The following DMRTA1 variants were observed in gnomAD, a reference collection of about 807,000 sequenced individuals.
DMRTA1 encodes DMRT like family A1.
In DMRTA1, 34 loss-of-function variants were observed where a neutral mutation model predicts 35.2. The ratio of observed to expected loss-of-function variants is 0.97; its 90% CI spans 0.74 to 1.29. The LOEUF (loss-of-function observed/expected upper bound fraction) is 1.29, where lower values mean the gene tolerates loss of function less well. Among genes scored for constraint, DMRTA1 ranks in the 50% most tolerant of loss-of-function variants. DMRTA1 has a pLI of 0.00. For synonymous variants in DMRTA1, 344 were observed against 276.6 expected, an observed-to-expected ratio of 1.24 and a Z score of -2.42; for missense variants, 824 against 644.6, an observed-to-expected ratio of 1.28 and a Z score of -3.01.
intron 1 of DMRTA1, among the ~76,000 whole-genome samples, chr9:22,449,508 CAA>C (rs1441379096): frequency 2.0e-5 from 3 of 151,956 alleles, no homozygotes; most frequent in African/African-American, 4.8e-5. Flanking sequence ...TAAAATATAA[CAA>C]GACATTATTT....
chr9:22,450,224 G>A (rs1346034637), intron 1 of DMRTA1, among the ~76,000 whole-genome samples: 1 of 152,106 alleles, frequency 6.6e-6, no homozygotes, highest in Non-Finnish European at 1.5e-5. Context: ...GTGATTTAAA[G>A]CAAATGCCTA....
Position 22,451,373 on chromosome 9 carries a change from C to G in DMRTA1, c.977C>G (p.Pro326Arg). 1 of 1,614,048 alleles carries G rather than the reference C, an allele frequency of 6.2e-7. No homozygotes were observed. The highest frequency in any genetic ancestry group is 1.1e-5 in the South Asian group (1 of 91,056). Residue 326 changes from proline (P) to arginine (R), a missense_variant, in exon 2 of 2, where the codon CCA (proline) becomes CGA (arginine). Transcript: ENST00000325870. The stretch of plus-strand genomic sequence containing the variant: ...AGCCTTCCGACAGTGTCCTCAAGAC[C>G]AAGAGATCCTCTTGATATCCTTACT... The part of the protein sequence containing the change: ...KASLPTVSSR[P>R]RDPLDILTKI...
rs1218405555 is a variant in DMRTA1, at chr9:22,446,848, A to G, written c.-218A>G. ...TAACTTAGCGCCCGGGGTCTCTGCC[A>G]GGCTCACGGGACAGCTGCACCTCTC... On this transcript the variant is annotated 5_prime_UTR_variant, in exon 1 of 2. Coordinates refer to ENST00000325870, the MANE Select transcript of DMRTA1 (RefSeq NM_022160.3). The G allele has an allele frequency of 7.0e-6, 4 of 571,538 alleles. No individual in the cohort carries two copies. Among genetic ancestry groups the G allele is most frequent in the African/African-American group, 6.0e-5 (3 of 50,014 alleles). The allele number at this position is 571,538 out of a possible 1,614,324, so 35.4% of individuals were successfully genotyped here.
Position 22,447,659 on chromosome 9 carries a change from C to T in DMRTA1, c.594C>T (p.Ala198=), listed in dbSNP as rs758514042. 1.9e-6 allele frequency: 3 copies of T among 1,612,094 alleles called. No individual in the cohort carries two copies. In the African/African-American group the frequency reaches 4.0e-5, roughly 22 times the overall value. ...CGGGGGCTGCGCTGGGACTGGGTGC[C>T]TTGAGACAGGCCAGTGGTTCCGCGA... is the stretch of plus-strand genomic sequence containing the variant. The part of the protein sequence containing the change: ...PAAGAALGLG[A]LRQASGSATP... The change falls in exon 1 of 2, where the codon GCC becomes GCT. Residue 198 remains alanine (A), a synonymous_variant. Coordinates refer to ENST00000325870, the MANE Select transcript of DMRTA1 (RefSeq NM_022160.3).
Position 22,452,615 on chromosome 9 carries a change from C to A in DMRTA1, c.*704C>A, listed in dbSNP as rs906312902. The A allele has an allele frequency of 6.6e-6, 1 of 152,126 alleles. No individual in the cohort carries two copies. Among genetic ancestry groups the A allele is most frequent in the Admixed American group, 6.6e-5 (1 of 15,264 alleles). The allele number at this position is 152,126 out of a possible 1,614,324, so 9.4% of individuals were successfully genotyped here. A position where few individuals can be genotyped will look rare whatever the true frequency, so the allele number is the denominator to read the frequency against. ...GAAATAAGACTGCGCCATCTCCTGG[C>A]CACTATCGCCAATTGCAACTGAGCT... On this transcript the variant is annotated 3_prime_UTR_variant, in exon 2 of 2. Transcript: ENST00000325870.
At position 22,447,620 on chromosome 9, in the gene DMRTA1, G is replaced by C; in HGVS notation, c.555G>C (p.Thr185=). ...GCAGAGCCGAGAATCCACAGTCCACGGGCGGCCCTGCGGCGGGGGCTGCGC... is the reference window on the plus strand; with the variant it reads ...GCAGAGCCGAGAATCCACAGTCCACCGGCGGCCCTGCGGCGGGGGCTGCGC... The part of the protein sequence containing the change: ...GGGRAENPQS[T]GGPAAGAALG... The change falls in exon 1 of 2, where the codon ACG becomes ACC. Residue 185 remains threonine (T), a synonymous_variant. Coordinates refer to ENST00000325870, the MANE Select transcript of DMRTA1 (RefSeq NM_022160.3). 2 of 1,610,882 alleles carry C rather than the reference G, an allele frequency of 1.2e-6. No homozygotes were observed. Among genetic ancestry groups the C allele is most frequent in the Non-Finnish European group, 1.7e-6 (2 of 1,179,488 alleles).
At position 22,452,527 on chromosome 9, in the gene DMRTA1, A is replaced by G. The variant is rs1189250804; in HGVS notation, c.*616A>G. 6.6e-6 allele frequency: 1 copy of G among 152,214 alleles called. No individual in the cohort carries two copies. The highest frequency in any genetic ancestry group is 1.5e-5 in the Non-Finnish European group (1 of 68,048). The allele number at this position is 152,214 out of a possible 1,614,324, so 9.4% of individuals were successfully genotyped here. A position where few individuals can be genotyped will look rare whatever the true frequency, so the allele number is the denominator to read the frequency against. ...TCAATCTTAGCTTCCATGAGTGAAAACAAGTGCCATTAAAAAACATTTCTC... is the reference window on the plus strand; with the variant it reads ...TCAATCTTAGCTTCCATGAGTGAAAGCAAGTGCCATTAAAAAACATTTCTC... On this transcript the variant is annotated 3_prime_UTR_variant, in exon 2 of 2. Transcript: ENST00000325870.
Position 22,452,040 on chromosome 9 carries a change from G to A in DMRTA1, c.*129G>A. On this transcript the variant is annotated 3_prime_UTR_variant, in exon 2 of 2. Transcript: ENST00000325870. ...GTGGATTATGAGGTCTTAAAATGCT[G>A]GGTTTTTTTTTTTTCAAGCAATATA... The A allele has an allele frequency of 1.0e-6, 1 of 1,000,336 alleles. No homozygotes were observed. Among genetic ancestry groups the A allele is most frequent in the Non-Finnish European group, 1.3e-6 (1 of 756,548 alleles). The allele number at this position is 1,000,336 out of a possible 1,614,324, so 62.0% of individuals were successfully genotyped here. A position where few individuals can be genotyped will look rare whatever the true frequency, so the allele number is the denominator to read the frequency against.
rs1563825065 is a variant in DMRTA1 at position 22,447,246 on chromosome 9, G to A, written c.181G>A (p.Ala61Thr). The change falls in exon 1 of 2, where the codon GCC becomes ACC. Residue 61 changes from alanine (A) to threonine (T), a missense_variant. Physicochemically the swap from Ala to Thr is moderately conservative, Grantham distance 58. Coordinates refer to ENST00000325870, the MANE Select transcript of DMRTA1 (RefSeq NM_022160.3). Reference sequence around the variant, plus strand: ...CCTCTTTCTGCGAGCAGCGGCCGCGGCCGCCGCCGCCGCTGCCGCCACCTC... The same window carrying A: ...CCTCTTTCTGCGAGCAGCGGCCGCGACCGCCGCCGCCGCTGCCGCCACCTC... ...PSLFLRAAAA[A>T]AAAAAATSGS... 6.7e-7 allele frequency: 1 copy of A among 1,495,240 alleles called. No individual in the cohort carries two copies. The highest frequency in any genetic ancestry group is 1.3e-5 in the South Asian group (1 of 77,712). 92.6% of individuals were successfully genotyped at this position (1,495,240 alleles called of 1,614,324 possible). A position where few individuals can be genotyped will look rare whatever the true frequency, so the allele number is the denominator to read the frequency against.
Position 22,451,434 on chromosome 9 carries a change from A to G in DMRTA1, c.1038A>G (p.Glu346=). 1 of 1,614,190 alleles carries G rather than the reference A, an allele frequency of 6.2e-7. No individual in the cohort carries two copies. Among genetic ancestry groups the G allele is most frequent in the Middle Eastern group, 1.6e-4 (1 of 6,062 alleles). ...IFPNYRRSRL[E]GILRFCKGDV... ...CAAATTACAGGCGCAGCCGGCTAGA[A>G]GGCATTCTACGGTTCTGCAAAGGGG... Residue 346 remains glutamate, a synonymous_variant, in exon 2 of 2, where the codon GAA becomes GAG. Transcript: ENST00000325870.
Position 22,453,574 on chromosome 9 carries a change from C to T in DMRTA1, c.*1663C>T, listed in dbSNP as rs1168530212. 1.3e-5 allele frequency: 2 copies of T among 151,922 alleles called. No individual in the cohort carries two copies. Among genetic ancestry groups the T allele is most frequent in the Admixed American group, 1.3e-4 (2 of 15,244 alleles). 9.4% of individuals were successfully genotyped at this position (151,922 alleles called of 1,614,324 possible). On this transcript the variant is annotated 3_prime_UTR_variant, in exon 2 of 2. Transcript: ENST00000325870. ...TTATAAAAAAGTTTTATATTCTAAG[C>T]CTAAACCGTAGTACAATGTCTAGCA...
chr9:22,455,611 A>C lies in DMRTA1; in HGVS notation c.*3700A>C, dbSNP rs1004681328. The C allele has an allele frequency of 1.3e-5, 2 of 152,190 alleles. No homozygotes were observed. The highest frequency in any genetic ancestry group is 2.9e-5 in the Non-Finnish European group (2 of 68,022). 9.4% of individuals were successfully genotyped at this position (152,190 alleles called of 1,614,324 possible). A position where few individuals can be genotyped will look rare whatever the true frequency, so the allele number is the denominator to read the frequency against. ...GGCAGCCATCACTAGAGCAGCGTAC[A>C]GGCTTAGTTCCAGACTTCGTGTTTG... On this transcript the variant is annotated 3_prime_UTR_variant, in exon 2 of 2. Coordinates refer to ENST00000325870, the MANE Select transcript of DMRTA1 (RefSeq NM_022160.3).
chr9:22,451,952 A>G lies in DMRTA1; in HGVS notation c.*41A>G, dbSNP rs770393554. On this transcript the variant is annotated 3_prime_UTR_variant, in exon 2 of 2. Coordinates refer to ENST00000325870, the MANE Select transcript of DMRTA1 (RefSeq NM_022160.3). ...TCTCTTTCTGGAGTTTTTCCAGCAT[A>G]CAATACATGCACGTGCACACACATA... is the stretch of plus-strand genomic sequence containing the variant. 2.5e-6 allele frequency: 4 copies of G among 1,605,550 alleles called. No individual in the cohort carries two copies. The highest frequency in any genetic ancestry group is 3.3e-5 in the Admixed American group (2 of 59,752).
Position 22,447,413 on chromosome 9 carries a change from C to A in DMRTA1, c.348C>A (p.Cys116Ter). The A allele has an allele frequency of 6.4e-7, 1 of 1,553,674 alleles. No individual in the cohort carries two copies. Among genetic ancestry groups the A allele is most frequent in the Admixed American group, 1.9e-5 (1 of 52,782 alleles). The change falls in exon 1 of 2, where the codon TGC (cysteine) becomes TGA (stop). Residue 116 changes from cysteine (C) to a stop codon, truncating the protein, a stop_gained. Transcript: ENST00000325870. LOFTEE classifies it high-confidence loss of function. ...VSALKGHKRFCRWRDCACAKC... is the reference protein window; with the variant it reads ...VSALKGHKRF ...CGCTCAAGGGCCACAAGCGCTTCTGCCGCTGGCGGGACTGCGCGTGTGCCA... is the reference window on the plus strand; with the variant it reads ...CGCTCAAGGGCCACAAGCGCTTCTGACGCTGGCGGGACTGCGCGTGTGCCA...
chr9:22,448,959 A>G (rs1439463792), intron 1 of DMRTA1, among the ~76,000 whole-genome samples: 1 of 152,224 alleles, frequency 6.6e-6, no homozygotes, highest in African/African-American at 2.4e-5. Flanking sequence ...TATGAAAGAG[A>G]AGTAAAAGTG....
rs1484422838 is a variant in DMRTA1, at chr9:22,453,083, T to G, written c.*1172T>G. The G allele has an allele frequency of 2.0e-5, 3 of 152,108 alleles. No individual in the cohort carries two copies. The highest frequency in any genetic ancestry group is 7.2e-5 in the African/African-American group (3 of 41,440). The allele number at this position is 152,108 out of a possible 1,614,324, so 9.4% of individuals were successfully genotyped here. On this transcript the variant is annotated 3_prime_UTR_variant, in exon 2 of 2. Coordinates refer to ENST00000325870, the MANE Select transcript of DMRTA1 (RefSeq NM_022160.3). Reference sequence around the variant, plus strand: ...AGTGGAAAGTCCCTGAGGAAACTGCTTACAAAACAGTTTCTAGGACATTTT... The same window carrying G: ...AGTGGAAAGTCCCTGAGGAAACTGCGTACAAAACAGTTTCTAGGACATTTT...
In DMRTA1 at chr9:22,451,161, T is replaced by C; in HGVS notation, c.765T>C (p.Asn255=). The C allele has an allele frequency of 6.2e-7, 1 of 1,614,132 alleles. No individual in the cohort carries two copies. The highest frequency in any genetic ancestry group is 1.1e-5 in the South Asian group (1 of 91,084). Reference sequence around the variant, plus strand: ...ACCTAGGATCATCTTCTAGGTCTAATGGTGTCATTGGGAAACAAAGTATCG... The same window carrying C: ...ACCTAGGATCATCTTCTAGGTCTAACGGTGTCATTGGGAAACAAAGTATCG... ...QLYLGSSSRS[N]GVIGKQSIGS... The change falls in exon 2 of 2, where the codon AAT becomes AAC. Residue 255 remains asparagine, a synonymous_variant. Coordinates refer to ENST00000325870, the MANE Select transcript of DMRTA1 (RefSeq NM_022160.3).
In DMRTA1 at chr9:22,447,407, CT is replaced by C; in HGVS notation, c.344del (p.Phe115SerfsTer14). 6.4e-7 allele frequency: 1 copy of C among 1,554,400 alleles called. No homozygotes were observed. Among genetic ancestry groups the C allele is most frequent in the Non-Finnish European group, 8.7e-7 (1 of 1,151,304 alleles). On this transcript the variant is annotated frameshift_variant, in exon 1 of 2. Coordinates refer to ENST00000325870, the MANE Select transcript of DMRTA1 (RefSeq NM_022160.3). LOFTEE classifies it high-confidence loss of function. ...TGTCAGCGCTCAAGGGCCACAAGCG[CT>C]TCTGCCGCTGGCGGGACTGCGCGTG... Reference protein sequence around the residue: ...VVSALKGHKRFCRWRDCACAK... With the variant: ...VVSALKGHKRXCRWRDCACAK...
At chr9:22,449,568 A>T (rs1818892907) in intron 1 of DMRTA1, among the ~76,000 whole-genome samples, 1 of 152,132 alleles carries the variant, frequency 6.6e-6, no homozygotes, top group Non-Finnish European at 1.5e-5. Context: ...TTGATAATTG[A>T]CATGTTCGGG....
Sources: allele counts gnomAD v4.1 joint callset (sites outside exome capture counted in the v4.1 genomes callset), GRCh38; gene constraint gnomAD v4.1.1; transcripts MANE v1.5; gene names NCBI Gene and HGNC (gene_info 2026-07-23, HGNC 2026-07-21).